ASCC1: variants seen among roughly 807,000 people sequenced by gnomAD.
ASCC1 encodes the protein activating signal cointegrator 1 complex subunit 1.
In ASCC1, 35 loss-of-function variants were observed where a neutral mutation model predicts 46.6. That is an observed-to-expected ratio of 0.75 (90% CI 0.57 to 0.99). The LOEUF (loss-of-function observed/expected upper bound fraction) is 0.99, where lower values mean the gene tolerates loss of function less well. ASCC1 is among the 50% of genes least tolerant of loss of function. The pLI is 0.00. For synonymous variants in ASCC1, 143 were observed against 146.6 expected (o/e 0.98, Z 0.18); for missense variants, 376 against 428.7 (o/e 0.88, Z 1.09).
intron 4 of ASCC1, among the ~76,000 whole-genome samples, chr10:72,201,630 G>A (rs1420943416): frequency 1.3e-5 from 2 of 152,044 alleles, no homozygotes; most frequent in Non-Finnish European, 2.9e-5. Context: ...AGGCTACAGT[G>A]AGCTATGATG....
intron 1 of ASCC1, among the ~76,000 whole-genome samples, chr10:72,214,596 G>C (rs1315343575): frequency 6.6e-6 from 1 of 151,796 alleles, no homozygotes; most frequent in Admixed American, 6.6e-5. Flanking sequence ...AGGCTGGTCT[G>C]GAACTCCTGG....
chr10:72,096,515 GC>G lies in ASCC1; in HGVS notation c.*818del, dbSNP rs1188562139. The stretch of plus-strand genomic sequence containing the variant: ...CTTTGGTAGGAAAATGATAGACCAA[GC>G]AAAGTAAAAGGCAAACAACTTTAAT... On this transcript the variant is annotated 3_prime_UTR_variant, in exon 10 of 10. Transcript: ENST00000672957. The G allele has an allele frequency of 1.1e-5, 5 of 454,012 alleles. No homozygotes were observed. Among genetic ancestry groups the G allele is most frequent in the African/African-American group, 1.0e-4 (5 of 50,000 alleles). The allele number at this position is 454,012 out of a possible 1,614,324, so 28.1% of individuals were successfully genotyped here. A position where few individuals can be genotyped will look rare whatever the true frequency, so the allele number is the denominator to read the frequency against.
intron 7 of ASCC1, among the ~76,000 whole-genome samples, chr10:72,145,247 A>G (rs1342508912): frequency 6.6e-6 from 1 of 151,812 alleles, no homozygotes; most frequent in Non-Finnish European, 1.5e-5. Context: ...CTTGATGTGG[A>G]TTTCTTTTTA....
At chr10:72,124,723 C>CTT (rs34682603) in intron 9 of ASCC1, among the ~76,000 whole-genome samples, 3,823 of 118,586 alleles carry the variant, frequency 0.032, 293 homozygotes, top group African/African-American at 0.12. Context: ...CAAACAACAT[C>CTT]TTTTTTTTTT....
At chr10:72,211,574 C>T (rs1317515463) in intron 2 of ASCC1, among the ~76,000 whole-genome samples, 5 of 151,466 alleles carry the variant, frequency 3.3e-5, no homozygotes, top group Admixed American at 6.6e-5. Context: ...GCGCTTGTCT[C>T]TTAAAAAAAA....
At chr10:72,205,242 G>C (rs1857032658) in intron 3 of ASCC1, among the ~76,000 whole-genome samples, 2 of 152,202 alleles carry the variant, frequency 1.3e-5, no homozygotes, top group African/African-American at 4.8e-5. Context: ...GGCAGAGGCG[G>C]GCAAATCACT....
intron 9 of ASCC1, among the ~76,000 whole-genome samples, chr10:72,098,708 C>T (rs1841380445): frequency 6.6e-6 from 1 of 152,212 alleles, no homozygotes; most frequent in South Asian, 2.1e-4. Context: ...TAAAGGCTAA[C>T]TTTATAAAGC....
At chr10:72,101,637 C>T (rs1279356023) in intron 9 of ASCC1, among the ~76,000 whole-genome samples, 1 of 152,086 alleles carries the variant, frequency 6.6e-6, no homozygotes, top group Non-Finnish European at 1.5e-5. Context: ...CTCAAGTTCA[C>T]AAGTTATACT....
chr10:72,099,452 CTG>C (rs1396437944), intron 9 of ASCC1, among the ~76,000 whole-genome samples: 2 of 152,188 alleles, frequency 1.3e-5, no homozygotes, highest in African/African-American at 4.8e-5. Flanking sequence ...AGCTGTGTGA[CTG>C]TGGACAGAAG....
At chr10:72,146,135 G>T (rs564892971) in intron 7 of ASCC1, among the ~76,000 whole-genome samples, 1 of 152,308 alleles carries the variant, frequency 6.6e-6, no homozygotes, top group East Asian at 1.9e-4. Context: ...TAGGAGATTT[G>T]CCCATCCGTG....
intron 8 of ASCC1, among the ~76,000 whole-genome samples, chr10:72,132,069 A>G (rs993320183): frequency 3.3e-5 from 5 of 151,954 alleles, no homozygotes; most frequent in Admixed American, 6.6e-5. Flanking sequence ...GGGTTTCACC[A>G]TGTTGGCCAG....
chr10:72,152,087 GGC>G (rs1848412526), intron 7 of ASCC1, among the ~76,000 whole-genome samples: 1 of 151,254 alleles, frequency 6.6e-6, no homozygotes, highest in South Asian at 2.1e-4. Flanking sequence ...GACCTCCTTA[GGC>G]TCAGGTGATC....
intron 4 of ASCC1, among the ~76,000 whole-genome samples, chr10:72,199,664 G>A (rs1362645070): frequency 6.6e-6 from 1 of 152,076 alleles, no homozygotes; most frequent in Non-Finnish European, 1.5e-5. Flanking sequence ...TCAATCTCCT[G>A]ACCTCATGAT....
intron 9 of ASCC1, chr10:72,102,341 C>G (rs1275401519): frequency 3.2e-6 from 5 of 1,549,190 alleles, no homozygotes; most frequent in Non-Finnish European, 4.4e-6. Flanking sequence ...TACCCACTAG[C>G]TCTCTGTGTC....
At chr10:72,170,316 A>G (rs150300918) in intron 5 of ASCC1, among the ~76,000 whole-genome samples, 85 of 152,312 alleles carry the variant, frequency 5.6e-4, no homozygotes, top group African/African-American at 1.8e-3. Context: ...AACATCACCA[A>G]TGAGGGACAC....
rs1172519223 is a variant in ASCC1 at position 72,096,648 on chromosome 10, A to G, written c.*686T>C. 1 of 454,174 alleles carries G rather than the reference A, an allele frequency of 2.2e-6. No homozygotes were observed. The highest frequency in any genetic ancestry group is 2.0e-5 in the African/African-American group (1 of 50,146). The allele number at this position is 454,174 out of a possible 1,614,324, so 28.1% of individuals were successfully genotyped here. A position where few individuals can be genotyped will look rare whatever the true frequency, so the allele number is the denominator to read the frequency against. Reference sequence around the variant, plus strand: ...TGTATTAGCACTACTCCCAATAGTCAAGAGGAAGCAAGCCAAGTGTTCACT... The same window carrying G: ...TGTATTAGCACTACTCCCAATAGTCGAGAGGAAGCAAGCCAAGTGTTCACT... On this transcript the variant is annotated 3_prime_UTR_variant, in exon 10 of 10. Transcript: ENST00000672957.
chr10:72,097,272 A>G lies in ASCC1; in HGVS notation c.*62T>C. ...ACATCCCTGCTTGGCAATTAAAACG[A>G]AGACACTTTTCTTCAGCACCTGGTG... is the stretch of plus-strand genomic sequence containing the variant. On this transcript the variant is annotated 3_prime_UTR_variant, in exon 10 of 10. Transcript: ENST00000672957. 8.5e-7 allele frequency: 1 copy of G among 1,178,200 alleles called. No homozygotes were observed. The highest frequency in any genetic ancestry group is 2.4e-5 in the East Asian group (1 of 42,122). 73.0% of individuals were successfully genotyped at this position (1,178,200 alleles called of 1,614,324 possible).
intron 5 of ASCC1, among the ~76,000 whole-genome samples, chr10:72,164,693 T>C (rs1220270548): frequency 6.6e-6 from 1 of 152,222 alleles, no homozygotes; most frequent in African/African-American, 2.4e-5. Flanking sequence ...TGTTTAACTT[T>C]TGAGAAACCA....
intron 5 of ASCC1, among the ~76,000 whole-genome samples, chr10:72,192,898 G>C (rs1854761464): frequency 6.6e-6 from 1 of 152,200 alleles, no homozygotes; most frequent in African/African-American, 2.4e-5. Flanking sequence ...AACATCATTA[G>C]CCATTAAAGA....
Sources: gnomAD v4.1 joint callset for allele counts (sites outside exome capture counted in the v4.1 genomes callset) on GRCh38, gnomAD v4.1.1 for gene constraint, MANE v1.5 for transcripts, NCBI Gene and HGNC (gene_info 2026-07-23, HGNC 2026-07-21) for gene names.